EPG5: variants seen among roughly 807,000 people sequenced by gnomAD.
EPG5 encodes the protein ectopic P-granules 5 autophagy tethering factor.
Under a neutral mutation model 302.7 loss-of-function variants are expected in EPG5, and 159 were observed. That is an observed-to-expected ratio of 0.53 (90% CI 0.46 to 0.60). The LOEUF is 0.60. Ranked by LOEUF, EPG5 falls within the 20% of genes least tolerant of loss-of-function variation. The pLI is 0.00. For missense variants in EPG5, 2,896 were observed against 3,092.4 expected, an observed-to-expected ratio of 0.94 and a Z score of 1.51; for synonymous variants, 1,158 against 1,136.8, an observed-to-expected ratio of 1.02 and a Z score of -0.37.
intron 8 of EPG5, 102 bp from the exon 9 acceptor site, chr18:45,943,413 G>A: frequency 1.0e-6 from 1 of 958,136 alleles, no homozygotes. Context: ...AAGCCAAGGT[G>A]GAGAAGAACT....
At chr18:45,915,748 G>A (rs2145710097) in intron 19 of EPG5, 127 bp from the exon 20 acceptor site, 2 of 765,878 alleles carry the variant, frequency 2.6e-6, no homozygotes, top group Admixed American at 5.0e-5. Context: ...TTTCAAGGAT[G>A]AGTCCACCAG....
chr18:45,867,838 T>C (rs2048779324), intron 36 of EPG5, 90 bp from the exon 37 acceptor site: 3 of 1,165,808 alleles, frequency 2.6e-6, no homozygotes, highest in Non-Finnish European at 3.7e-6. Flanking sequence ...ATTATGTTTT[T>C]AAAAAACACT....
At chr18:45,957,817 G>A (rs1257546217) in intron 1 of EPG5, among the ~76,000 whole-genome samples, 1 of 152,178 alleles carries the variant, frequency 6.6e-6, no homozygotes, top group African/African-American at 2.4e-5. Context: ...ATAAGATGTG[G>A]CAATGCTAAA....
rs375424781 is a variant in EPG5 at position 45,860,258 on chromosome 18, T to A, written c.6855A>T (p.Ala2285=). 367 of 1,614,120 alleles carry A rather than the reference T, an allele frequency of 2.3e-4. No individual in the cohort carries two copies. Among genetic ancestry groups the A allele is most frequent in the Non-Finnish European group, 3.0e-4 (351 of 1,180,050 alleles). ...TCCGGATACTGCCCCGAAGGAACTC[T>A]GCTGTTGGAATAGTCGCGTTGTTCA... The part of the protein sequence containing the change: ...MMMNNATIPT[A]EFLRGSIRTW... Residue 2285 remains alanine, a synonymous_variant, in exon 40 of 44, where the codon GCA becomes GCT. Transcript: ENST00000282041.
chr18:45,870,620 G>GT lies in EPG5; in HGVS notation c.6171dup (p.Leu2058ThrfsTer9), dbSNP rs1478357467. On this transcript the variant is annotated frameshift_variant, in exon 36 of 44. Coordinates refer to ENST00000282041, the MANE Select transcript of EPG5 (RefSeq NM_020964.3). LOFTEE classifies it high-confidence loss of function. Reference sequence around the variant, plus strand: ...TCAGGGTGCAGGTCCTTCCATGGCAGTTTCCGGTACGTGCTATGGAAAGCG... The same window carrying GT: ...TCAGGGTGCAGGTCCTTCCATGGCAGTTTTCCGGTACGTGCTATGGAAAGCG... The GT allele has an allele frequency of 6.2e-7, 1 of 1,614,026 alleles. No homozygotes were observed. Among genetic ancestry groups the GT allele is most frequent in the Admixed American group, 1.7e-5 (1 of 60,020 alleles).
At chr18:45,854,051 C>T (rs2048465765) in intron 43 of EPG5, among the ~76,000 whole-genome samples, 1 of 152,170 alleles carries the variant, frequency 6.6e-6, no homozygotes, top group South Asian at 2.1e-4. Flanking sequence ...CTGGGCAGCC[C>T]AGGGCCCCAG....
At chr18:45,943,377 T>C (rs2050713972) in intron 8 of EPG5, 66 bp from the exon 9 acceptor site, 1 of 1,390,874 alleles carries the variant, frequency 7.2e-7, no homozygotes, top group Non-Finnish European at 1.0e-6. Flanking sequence ...CGGATACATC[T>C]GTATAAATAT....
chr18:45,887,873 G>T lies in EPG5; in HGVS notation c.4987C>A (p.Pro1663Thr), dbSNP rs753214468. Residue 1663 changes from proline to threonine, a missense_variant, in exon 29 of 44, where the codon CCT becomes ACT. Physicochemically the swap from Pro to Thr is conservative, Grantham distance 38. Transcript: ENST00000282041. ...CTAATGCCAACTTTCTGAATCCCAG[G>T]TGTAGGCTGCAACTTGTAGGCATTC... Reference protein sequence around the residue: ...LVNAYKLQPTPGIQKVGISLF... With the variant: ...LVNAYKLQPTTGIQKVGISLF... 1 of 1,593,142 alleles carries T rather than the reference G, an allele frequency of 6.3e-7. No individual in the cohort carries two copies. The highest frequency in any genetic ancestry group is 1.1e-5 in the South Asian group (1 of 89,280).
intron 3 of EPG5, 66 bp downstream of exon 3, chr18:45,952,334 C>T: frequency 6.4e-7 from 1 of 1,563,284 alleles, no homozygotes; most frequent in Non-Finnish European, 8.6e-7. Flanking sequence ...TCAATTCAAC[C>T]AGGCTATACC....
At chr18:45,858,244 C>T (rs533384238) in intron 41 of EPG5, among the ~76,000 whole-genome samples, 176 bp from the exon 42 acceptor site, 43 of 152,304 alleles carry the variant, frequency 2.8e-4, no homozygotes, top group Middle Eastern at 3.4e-3. Context: ...TGTGGAACAC[C>T]TACTACACGC....
intron 35 of EPG5, among the ~76,000 whole-genome samples, chr18:45,874,032 CAG>C (rs2048922223): frequency 6.6e-6 from 1 of 152,150 alleles, no homozygotes; most frequent in African/African-American, 2.4e-5. Flanking sequence ...AGGCAGAGCG[CAG>C]AGGATTTTTA....
chr18:45,802,397 G>GGAA, the EPG5 span, among the ~76,000 whole-genome samples: 1 of 152,192 alleles, frequency 6.6e-6, no homozygotes, highest in Non-Finnish European at 1.5e-5. Context: ...GCATGCACCT[G>GGAA]TTGTCCCAGC....
intron 36 of EPG5, among the ~76,000 whole-genome samples, chr18:45,868,815 G>C (rs2048807893): frequency 6.6e-6 from 1 of 151,608 alleles, no homozygotes; most frequent in Non-Finnish European, 1.5e-5. Flanking sequence ...CAGCACTTTG[G>C]GAGGCCAAGG....
the EPG5 span, chr18:45,825,396 A>G: frequency 4.6e-6 from 2 of 438,802 alleles, no homozygotes; most frequent in South Asian, 6.9e-5. Flanking sequence ...CAGCATAAAG[A>G]CAACAGTTTT....
chr18:45,883,098 GT>G (rs2049135927), intron 30 of EPG5, among the ~76,000 whole-genome samples: 1 of 151,618 alleles, frequency 6.6e-6, no homozygotes, highest in Non-Finnish European at 1.5e-5. Flanking sequence ...CAGAGGCAGA[GT>G]TTTCTAAGCT....
chr18:45,953,456 C>T lies in EPG5; in HGVS notation c.1009-813G>A, dbSNP rs143871447. The stretch of plus-strand genomic sequence containing the variant: ...CCTCCTTACTATGTACAGAGATATA[C>T]AGGTCTGCCAATGAATGAGGATTAG... On this transcript the variant is annotated intron_variant, in intron 2 of 43. Transcript: ENST00000282041. The T allele has an allele frequency of 2.2e-4, 214 of 985,344 alleles. No individual in the cohort carries two copies. The African/African-American group carries it at 3.4e-3, about 16-fold the overall frequency. 61.0% of individuals were successfully genotyped at this position (985,344 alleles called of 1,614,324 possible). A position where few individuals can be genotyped will look rare whatever the true frequency, so the allele number is the denominator to read the frequency against.
At chr18:45,888,179 C>T (rs1032415235) in intron 28 of EPG5, among the ~76,000 whole-genome samples, 1 of 151,382 alleles carries the variant, frequency 6.6e-6, no homozygotes, top group African/African-American at 2.4e-5. Flanking sequence ...GATCTCGGCT[C>T]ACCACAACCT....
chr18:45,964,271 A>T (rs2051203933), intron 1 of EPG5, among the ~76,000 whole-genome samples: 1 of 152,350 alleles, frequency 6.6e-6, no homozygotes, highest in East Asian at 1.9e-4. Flanking sequence ...CTATGGAAAG[A>T]CAAAAGACAT....
chr18:45,880,197 C>T lies in EPG5; in HGVS notation c.5545G>A (p.Glu1849Lys), dbSNP rs777698208. 54 of 1,606,842 alleles carry T rather than the reference C, an allele frequency of 3.4e-5. 1 individual carries two copies. In the South Asian group the frequency reaches 4.6e-4, roughly 14 times the overall value. The part of the protein sequence containing the change: ...QSSAEQLLSP[E>K]CWKATLRALG... Reference sequence around the variant, plus strand: ...GCTCTCAGAGTGGCCTTCCAACACTCGGGGCTCAGAAGCTGCTCCGCGGAG... The same window carrying T: ...GCTCTCAGAGTGGCCTTCCAACACTTGGGGCTCAGAAGCTGCTCCGCGGAG... The change falls in exon 32 of 44, where the codon GAG becomes AAG. Residue 1849 changes from glutamate to lysine, a missense_variant. By Grantham distance (56) the Glu-to-Lys change is moderately conservative. Coordinates refer to ENST00000282041, the MANE Select transcript of EPG5 (RefSeq NM_020964.3).
Sources: allele counts gnomAD v4.1 joint callset (sites outside exome capture counted in the v4.1 genomes callset), GRCh38; gene constraint gnomAD v4.1.1; transcripts MANE v1.5; gene names NCBI Gene and HGNC (gene_info 2026-07-23, HGNC 2026-07-21).